TGFA: variants seen among roughly 807,000 people sequenced by gnomAD.
TGFA encodes the protein protransforming growth factor alpha.
Under a neutral mutation model 21.7 loss-of-function variants are expected in TGFA, and 12 were observed. That is an observed-to-expected ratio of 0.55 (90% CI 0.35 to 0.90). TGFA has a LOEUF of 0.90. Ranked by LOEUF, TGFA falls within the 40% of genes least tolerant of loss-of-function variation. TGFA has a pLI of 0.01. For missense variants in TGFA, 178 were observed against 210.8 expected, an observed-to-expected ratio of 0.84 and a Z score of 0.96; for synonymous variants, 79 against 88.1, an observed-to-expected ratio of 0.90 and a Z score of 0.58.
At chr2:70,519,864 T>C (rs545140347) in intron 1 of TGFA, among the ~76,000 whole-genome samples, 31 of 152,212 alleles carry the variant, frequency 2.0e-4, no homozygotes, top group Non-Finnish European at 2.8e-4. Flanking sequence ...CCCCTACCAC[T>C]TTCTAGCCTG....
chr2:70,456,354 G>A lies in TGFA; in HGVS notation c.350C>T (p.Thr117Ile). The change falls in exon 4 of 6, where the codon ACA becomes ATA. Residue 117 changes from threonine to isoleucine, a missense_variant. Physicochemically the swap from Thr to Ile is moderately conservative, Grantham distance 89. Coordinates refer to ENST00000295400, the MANE Select transcript of TGFA (RefSeq NM_003236.4). The stretch of plus-strand genomic sequence containing the variant: ...AAGTACTCACTGTATCAGCACACAT[G>A]TGATGATAAGGACAGCCAGGGCCAC... ...SIVALAVLIITCVLIHCCQVR... is the reference protein window; with the variant it reads ...SIVALAVLIIICVLIHCCQVR... 6.4e-7 allele frequency: 1 copy of A among 1,559,826 alleles called. No individual in the cohort carries two copies. Among genetic ancestry groups the A allele is most frequent in the African/African-American group, 1.4e-5 (1 of 73,560 alleles).
In TGFA at chr2:70,457,447, C is replaced by A. The variant is rs1396947029; in HGVS notation, c.216-959G>T. ...TAATAAAAGATACTTAGCTTAGACA[C>A]TGGTCCCTTTGTTACTTCGTTACTC... On this transcript the variant is annotated intron_variant, in intron 3 of 5. Transcript: ENST00000295400. 7.2e-5 allele frequency among the ~76,000 whole-genome samples: 11 copies of A among 152,168 alleles called. 1 individual carries two copies. Among genetic ancestry groups the A allele is most frequent in the African/African-American group, 2.7e-4 (11 of 41,440 alleles).
intron 1 of TGFA, among the ~76,000 whole-genome samples, chr2:70,544,013 C>T (rs1007876789): frequency 1.3e-5 from 2 of 152,068 alleles, no homozygotes. Context: ...GTCCTCAAAA[C>T]ATTTGAGGGA....
At chr2:70,459,270 G>A (rs1670339453) in intron 3 of TGFA, among the ~76,000 whole-genome samples, 1 of 152,188 alleles carries the variant, frequency 6.6e-6, no homozygotes, top group African/African-American at 2.4e-5. Flanking sequence ...GCAGCCAAGT[G>A]CTAATTACAA....
At chr2:70,553,137 A>G in intron 1 of TGFA, 1 of 1,528,250 alleles carries the variant, frequency 6.5e-7, no homozygotes, top group South Asian at 1.2e-5. Context: ...TCTCCCAGGG[A>G]AGTTAATTAA....
intron 1 of TGFA, among the ~76,000 whole-genome samples, chr2:70,549,393 C>CA (rs1673416271): frequency 6.6e-6 from 1 of 152,184 alleles, no homozygotes; most frequent in African/African-American, 2.4e-5. Flanking sequence ...AGTGGTTCTC[C>CA]AAGGGTCCCT....
intron 1 of TGFA, among the ~76,000 whole-genome samples, chr2:70,531,728 C>T (rs1321145228): frequency 6.6e-6 from 1 of 152,122 alleles, no homozygotes; most frequent in Non-Finnish European, 1.5e-5. Flanking sequence ...TTGCTTCAAA[C>T]AATATCTGCT....
chr2:70,533,183 A>C (rs1672867649), intron 1 of TGFA, among the ~76,000 whole-genome samples: 4 of 152,192 alleles, frequency 2.6e-5, no homozygotes, highest in Admixed American at 2.6e-4. Context: ...TTACTGCTGG[A>C]AAACAGCGTC....
At chr2:70,479,036 ATCC>A (rs1671026030) in intron 2 of TGFA, among the ~76,000 whole-genome samples, 1 of 152,164 alleles carries the variant, frequency 6.6e-6, no homozygotes, top group South Asian at 2.1e-4. Flanking sequence ...CTGATTTCAT[ATCC>A]TCATTATTTT....
chr2:70,474,940 A>T (rs1317254629), intron 2 of TGFA, among the ~76,000 whole-genome samples: 1 of 151,524 alleles, frequency 6.6e-6, no homozygotes, highest in African/African-American at 2.4e-5. Context: ...CTTTCCTACA[A>T]AGATACTGGT....
chr2:70,460,682 C>A (rs141374429), intron 3 of TGFA, among the ~76,000 whole-genome samples: 6 of 152,260 alleles, frequency 3.9e-5, no homozygotes, highest in East Asian at 1.9e-4. Flanking sequence ...GCTCTGGGGG[C>A]TGGTGGGGAG....
chr2:70,473,513 C>T (rs1199805470), intron 2 of TGFA, among the ~76,000 whole-genome samples: 1 of 151,830 alleles, frequency 6.6e-6, no homozygotes, highest in Non-Finnish European at 1.5e-5. Context: ...AACTGATCGA[C>T]AGGGGCATTT....
At chr2:70,515,971 G>A (rs987330608) in intron 1 of TGFA, among the ~76,000 whole-genome samples, 10 of 152,204 alleles carry the variant, frequency 6.6e-5, no homozygotes, top group South Asian at 2.1e-4. Context: ...GCCCTTGTGA[G>A]CATGGGGTCC....
chr2:70,523,485 C>T (rs782516520), intron 1 of TGFA, among the ~76,000 whole-genome samples: 5 of 152,146 alleles, frequency 3.3e-5, no homozygotes, highest in Non-Finnish European at 5.9e-5. Flanking sequence ...CTACCTAGTC[C>T]GGGTCTCTTA....
At chr2:70,475,971 G>A (rs1395996874) in intron 2 of TGFA, among the ~76,000 whole-genome samples, 7 of 145,554 alleles carry the variant, frequency 4.8e-5, no homozygotes, top group African/African-American at 1.0e-4. Flanking sequence ...TATACTGGAC[G>A]AAGATCACAC....
rs1669979702 is a variant in TGFA at position 70,449,308 on chromosome 2, A to T, written c.*1551T>A. The T allele has an allele frequency of 6.6e-6, 1 of 152,368 alleles. No homozygotes were observed. The highest frequency in any genetic ancestry group is 2.1e-4 in the South Asian group (1 of 4,838). The allele number at this position is 152,368 out of a possible 1,614,324, so 9.4% of individuals were successfully genotyped here. On this transcript the variant is annotated 3_prime_UTR_variant, in exon 6 of 6. Coordinates refer to ENST00000295400, the MANE Select transcript of TGFA (RefSeq NM_003236.4). ...TTAACATATTTTAAATGTACCTTTC[A>T]CGATGTAATAAGCTAGGTGCACTTA... is the stretch of plus-strand genomic sequence containing the variant.
rs1357338720 is a variant in TGFA at position 70,447,353 on chromosome 2, T to C, written c.*3506A>G. On this transcript the variant is annotated 3_prime_UTR_variant, in exon 6 of 6. Coordinates refer to ENST00000295400, the MANE Select transcript of TGFA (RefSeq NM_003236.4). ...CAGTACAACTCAATAACAATGCACATTACTGAAAAACACAATTGCGTCTTA... is the reference window on the plus strand; with the variant it reads ...CAGTACAACTCAATAACAATGCACACTACTGAAAAACACAATTGCGTCTTA... 2.6e-5 allele frequency: 4 copies of C among 152,648 alleles called. No individual in the cohort carries two copies. The highest frequency in any genetic ancestry group is 9.6e-5 in the African/African-American group (4 of 41,464). The allele number at this position is 152,648 out of a possible 1,614,324, so 9.5% of individuals were successfully genotyped here.
chr2:70,458,016 A>G (rs1459697085), intron 3 of TGFA, among the ~76,000 whole-genome samples: 1 of 152,218 alleles, frequency 6.6e-6, no homozygotes, highest in Non-Finnish European at 1.5e-5. Flanking sequence ...AGGCCCTTGA[A>G]GACTAGGCAC....
At chr2:70,469,525 C>T (rs1670670548) in intron 2 of TGFA, among the ~76,000 whole-genome samples, 1 of 152,046 alleles carries the variant, frequency 6.6e-6, no homozygotes, top group South Asian at 2.1e-4. Context: ...AGTAGAGAGA[C>T]AGAGTGTCAC....
Sources: allele counts gnomAD v4.1 joint callset (sites outside exome capture counted in the v4.1 genomes callset), GRCh38; gene constraint gnomAD v4.1.1; transcripts MANE v1.5; gene names NCBI Gene and HGNC (gene_info 2026-07-23, HGNC 2026-07-21).